NR6A1: variants seen among roughly 807,000 people sequenced by gnomAD.
NR6A1 encodes nuclear receptor subfamily 6 group A member 1.
Under a neutral mutation model 59.1 loss-of-function variants are expected in NR6A1, and 7 were observed. The observed-to-expected ratio is 0.12, with a 90% CI of 0.07 to 0.22. The LOEUF (loss-of-function observed/expected upper bound fraction) is 0.22. NR6A1 is among the 10% of genes least tolerant of loss of function. The pLI is 1.00. For synonymous variants in NR6A1, 243 were observed against 236.1 expected, an observed-to-expected ratio of 1.03 and a Z score of -0.27; for missense variants, 468 against 611.6, an observed-to-expected ratio of 0.77 and a Z score of 2.48.
chr9:124,566,672 G>C (rs1834250018), intron 2 of NR6A1, among the ~76,000 whole-genome samples: 1 of 152,212 alleles, frequency 6.6e-6, no homozygotes, highest in East Asian at 1.9e-4. Context: ...GACCACAGAG[G>C]AGAGATGAAG....
At chr9:124,693,578 T>C (rs1300159852) in intron 2 of NR6A1, 1 of 395,690 alleles carries the variant, frequency 2.5e-6, no homozygotes, top group Non-Finnish European at 5.2e-6. Context: ...GACACCTGTG[T>C]GGGCCCTCAA....
At chr9:124,730,844 G>A (rs571207029) in intron 2 of NR6A1, among the ~76,000 whole-genome samples, 66 of 152,258 alleles carry the variant, frequency 4.3e-4, no homozygotes, top group Non-Finnish European at 7.9e-4. Context: ...TGCTAAACTA[G>A]AGGTTTATAA....
At chr9:124,614,308 A>C (rs1391245135) in intron 2 of NR6A1, among the ~76,000 whole-genome samples, 1 of 152,204 alleles carries the variant, frequency 6.6e-6, no homozygotes, top group Non-Finnish European at 1.5e-5. Flanking sequence ...AAATCATCCC[A>C]AAGGAGTAGA....
intron 2 of NR6A1, among the ~76,000 whole-genome samples, chr9:124,680,562 A>T (rs1838118263): frequency 6.6e-6 from 1 of 152,184 alleles, no homozygotes; most frequent in Non-Finnish European, 1.5e-5. Context: ...ATCAACCTTT[A>T]TTGAGCTCCA....
chr9:124,674,705 C>A (rs896921199), intron 2 of NR6A1, among the ~76,000 whole-genome samples: 5 of 151,920 alleles, frequency 3.3e-5, no homozygotes, highest in Admixed American at 2.6e-4. Flanking sequence ...TTAAGAGAGG[C>A]CCAATGGAAA....
At chr9:124,767,050 T>C (rs1001905335) in intron 1 of NR6A1, among the ~76,000 whole-genome samples, 2 of 152,196 alleles carry the variant, frequency 1.3e-5, no homozygotes, top group African/African-American at 2.4e-5. Flanking sequence ...ACAGCAACAG[T>C]TGGCATTTCT....
intron 3 of NR6A1, among the ~76,000 whole-genome samples, chr9:124,554,052 G>A (rs1463943136): frequency 5.9e-5 from 9 of 152,098 alleles, no homozygotes; most frequent in Non-Finnish European, 1.3e-4. Flanking sequence ...AATAACTAGT[G>A]AAGTATATTA....
At chr9:124,669,847 T>C (rs1837735799) in intron 2 of NR6A1, among the ~76,000 whole-genome samples, 1 of 152,174 alleles carries the variant, frequency 6.6e-6, no homozygotes, top group African/African-American at 2.4e-5. Flanking sequence ...TCCACCCACC[T>C]TGGCCTCCCA....
intron 2 of NR6A1, among the ~76,000 whole-genome samples, chr9:124,677,751 G>A (rs962138411): frequency 6.6e-6 from 1 of 152,016 alleles, no homozygotes; most frequent in Non-Finnish European, 1.5e-5. Context: ...TCTAATCTCA[G>A]ATAGTATTCC....
intron 2 of NR6A1, among the ~76,000 whole-genome samples, chr9:124,568,169 C>CAA (rs34652433): frequency 0.39 from 11,753 of 30,402 alleles, 3,475 homozygotes; most frequent in Middle Eastern, 0.57. Context: ...TACTTCATCT[C>CAA]AAAAAAAAAA....
intron 2 of NR6A1, among the ~76,000 whole-genome samples, chr9:124,625,485 T>C (rs1274475909): frequency 6.6e-6 from 1 of 152,162 alleles, no homozygotes; most frequent in Non-Finnish European, 1.5e-5. Context: ...CGCCACCATG[T>C]CTGGCTAATT....
chr9:124,562,892 C>T (rs149544879), intron 2 of NR6A1, among the ~76,000 whole-genome samples: 53 of 152,194 alleles, frequency 3.5e-4, no homozygotes, highest in Non-Finnish European at 5.6e-4. Flanking sequence ...AATGGATATG[C>T]CCATCTCCAC....
At chr9:124,592,618 A>C (rs1835160702) in intron 2 of NR6A1, among the ~76,000 whole-genome samples, 1 of 152,186 alleles carries the variant, frequency 6.6e-6, no homozygotes, top group African/African-American at 2.4e-5. Flanking sequence ...AGATTATGTC[A>C]GTTTTCAACT....
intron 1 of NR6A1, among the ~76,000 whole-genome samples, chr9:124,757,198 G>A (rs550181366): frequency 6.6e-6 from 1 of 152,070 alleles, no homozygotes; most frequent in African/African-American, 2.4e-5. Context: ...CATTGAGATA[G>A]ACACACACTT....
At chr9:124,614,869 A>G (rs79742270) in intron 2 of NR6A1, among the ~76,000 whole-genome samples, 1,616 of 152,336 alleles carry the variant, frequency 0.011, 29 homozygotes, top group African/African-American at 0.037. Flanking sequence ...AGAGACACTC[A>G]AATGCATTAA....
chr9:124,535,591 A>AT (rs1192863426), intron 7 of NR6A1, among the ~76,000 whole-genome samples: 2 of 152,178 alleles, frequency 1.3e-5, no homozygotes, highest in African/African-American at 4.8e-5. Flanking sequence ...AAATAAATTA[A>AT]TTTAAAAAAA....
chr9:124,730,777 T>C (rs1839861569), intron 2 of NR6A1, among the ~76,000 whole-genome samples: 1 of 152,276 alleles, frequency 6.6e-6, no homozygotes, highest in South Asian at 2.1e-4. Context: ...AAAATGGGCA[T>C]TAACCATTTT....
chr9:124,651,664 C>T (rs182294723), intron 2 of NR6A1, among the ~76,000 whole-genome samples: 148 of 152,212 alleles, frequency 9.7e-4, no homozygotes, highest in South Asian at 2.3e-3. Flanking sequence ...AGTAAAAATA[C>T]GAAGTTCTAC....
chr9:124,544,706 GCA>G (rs1313611300), intron 3 of NR6A1, among the ~76,000 whole-genome samples: 1 of 152,170 alleles, frequency 6.6e-6, no homozygotes, highest in Non-Finnish European at 1.5e-5. Context: ...TCTGGCTAAA[GCA>G]TAGGGGAAGG....
Sources: allele counts gnomAD v4.1 joint callset (sites outside exome capture counted in the v4.1 genomes callset), GRCh38; gene constraint gnomAD v4.1.1; transcripts MANE v1.5; gene names NCBI Gene and HGNC (gene_info 2026-07-23, HGNC 2026-07-21).